The following AZIN1 variants were observed in gnomAD, a reference collection of about 807,000 sequenced individuals.
AZIN1 encodes ornithine decarboxylase antizyme inhibitor.
A neutral mutation model predicts 47.4 loss-of-function variants in AZIN1; 12 were observed. The ratio of observed to expected loss-of-function variants is 0.25; its 90% CI spans 0.16 to 0.41. The LOEUF (loss-of-function observed/expected upper bound fraction) is 0.41, where lower values mean the gene tolerates loss of function less well. AZIN1 is among the 10% of genes least tolerant of loss of function. The pLI is 1.00. For synonymous variants in AZIN1, 155 were observed against 176.3 expected (o/e 0.88, Z 0.96); for missense variants, 410 against 532.4 (o/e 0.77, Z 2.26).
chr8:102,848,914 G>A (rs1471902153), intron 2 of AZIN1, among the ~76,000 whole-genome samples: 1 of 152,144 alleles, frequency 6.6e-6, no homozygotes, highest in Non-Finnish European at 1.5e-5. Context: ...TTAAGACACA[G>A]CATGTTCTAG....
At chr8:102,842,760 G>A (rs1253544292) in intron 3 of AZIN1, among the ~76,000 whole-genome samples, 4 of 151,892 alleles carry the variant, frequency 2.6e-5, no homozygotes, top group Non-Finnish European at 5.9e-5. Flanking sequence ...GCTGGGCATG[G>A]TGGCACAGAC....
chr8:102,828,747 G>T, intron 11 of AZIN1, 69 bp from the exon 12 acceptor site: 2 of 946,928 alleles, frequency 2.1e-6, no homozygotes, highest in Non-Finnish European at 1.6e-6. Flanking sequence ...ATAACAAATG[G>T]ATAATAAAAC....
intron 2 of AZIN1, among the ~76,000 whole-genome samples, chr8:102,847,368 A>T (rs910414520): frequency 1.9e-4 from 24 of 128,944 alleles, no homozygotes; most frequent in African/African-American, 3.9e-4. Context: ...AAAAAAAAAA[A>T]ACAATAAAGC....
At chr8:102,832,318 CAA>C (rs961987808) in intron 9 of AZIN1, among the ~76,000 whole-genome samples, 32 of 140,740 alleles carry the variant, frequency 2.3e-4, no homozygotes, top group African/African-American at 7.6e-4. Flanking sequence ...AGTCCACAGC[CAA>C]AAAAAAAAGT....
At chr8:102,834,160 C>G in intron 8 of AZIN1, 29 bp downstream of exon 8, 1 of 1,576,670 alleles carries the variant, frequency 6.3e-7, no homozygotes, top group East Asian at 2.2e-5. Flanking sequence ...AGCAATTATT[C>G]TGTTAATGTC....
chr8:102,828,573 T>G lies in AZIN1; in HGVS notation c.1341A>C (p.Glu447Asp). Residue 447 changes from glutamate to aspartate, a missense_variant, in exon 12 of 12, where the codon GAA becomes GAC. Physicochemically the swap from Glu to Asp is conservative, Grantham distance 45. This residue lies in a region of AZIN1 where 168 missense variants were observed against 198.3 expected (regional missense o/e 0.85). Coordinates refer to ENST00000337198, the MANE Select transcript of AZIN1 (RefSeq NM_148174.4). Reference sequence around the variant, plus strand: ...AAGAAGCGTTAATGCCTGTTTAAGCTTCAGCGGAAAAGCTGTCTTCTTGGC... The same window carrying G: ...AAGAAGCGTTAATGCCTGTTTAAGCGTCAGCGGAAAAGCTGTCTTCTTGGC... The part of the protein sequence containing the change: ...QLSQEDSFSA[E>D]A The G allele has an allele frequency of 6.2e-7, 1 of 1,605,086 alleles. No individual in the cohort carries two copies. The highest frequency in any genetic ancestry group is 8.5e-7 in the Non-Finnish European group (1 of 1,173,074).
Position 102,829,467 on chromosome 8 carries a change from G to A in AZIN1, c.1040C>T (p.Pro347Leu). 1 of 1,609,536 alleles carries A rather than the reference G, an allele frequency of 6.2e-7. No homozygotes were observed. Among genetic ancestry groups the A allele is most frequent in the Non-Finnish European group, 8.5e-7 (1 of 1,178,774 alleles). ...EVHKKYKEDE[P>L]LFTSSLWGPS... ...ACCCCAAAGGCTGCTTGTAAACAGA[G>A]GCTCATCTTCCTTGTATTTCTGTAG... The change falls in exon 11 of 12, where the codon CCT becomes CTT. Residue 347 changes from proline to leucine, a missense_variant. Physicochemically the swap from Pro to Leu is moderately conservative, Grantham distance 98 (BLOSUM62 -3). Around this residue, in one of 3 missense-constraint regions of AZIN1, gnomAD observed 168 missense variants for 198.3 expected, o/e 0.85. Transcript: ENST00000337198.
intron 2 of AZIN1, among the ~76,000 whole-genome samples, chr8:102,852,580 A>G (rs1424122399): frequency 1.3e-5 from 2 of 152,154 alleles, no homozygotes; most frequent in East Asian, 3.8e-4. Context: ...CAAAAAAATA[A>G]TAGTAAAAAA....
chr8:102,831,306 A>C (rs1811442499), intron 9 of AZIN1, among the ~76,000 whole-genome samples: 2 of 152,138 alleles, frequency 1.3e-5, no homozygotes, highest in African/African-American at 4.8e-5. Flanking sequence ...CAACTAATAT[A>C]AACAATAATG....
intron 2 of AZIN1, among the ~76,000 whole-genome samples, chr8:102,845,762 T>C (rs1812530163): frequency 6.6e-6 from 1 of 152,036 alleles, no homozygotes; most frequent in Admixed American, 6.6e-5. Context: ...TTACTATTAA[T>C]AAATGAAAAA....
chr8:102,860,648 A>C (rs1813587204), intron 1 of AZIN1, among the ~76,000 whole-genome samples: 1 of 152,196 alleles, frequency 6.6e-6, no homozygotes, highest in African/African-American at 2.4e-5. Context: ...CAGCCTTCCG[A>C]AGTGCTGGGA....
rs1586165043 is a variant in AZIN1 at position 102,836,612 on chromosome 8, C to G, written c.450-222G>C. 5 of 515,112 alleles carry G rather than the reference C, an allele frequency of 9.7e-6. 1 individual carries two copies. The Admixed American group carries it at 1.8e-4, about 19-fold the overall frequency. The allele number at this position is 515,112 out of a possible 1,614,324, so 31.9% of individuals were successfully genotyped here. ...TACAAGGATGGGATTTTGGAAAATG[C>G]AGCAAGTTAAGACTCTGTTGTAGCA... On this transcript the variant is annotated intron_variant, in intron 5 of 11. Transcript: ENST00000337198.
At chr8:102,831,782 T>C (rs1811480598) in intron 9 of AZIN1, among the ~76,000 whole-genome samples, 1 of 151,744 alleles carries the variant, frequency 6.6e-6, no homozygotes, top group Admixed American at 6.6e-5. Flanking sequence ...CGAAACCCTC[T>C]ACAAAATAAA....
At chr8:102,846,114 G>A (rs59761337) in intron 2 of AZIN1, among the ~76,000 whole-genome samples, 13,090 of 152,154 alleles carry the variant, frequency 0.086, 1,500 homozygotes, top group African/African-American at 0.25. Context: ...GATTATAAAC[G>A]ACAACACACA....
rs768731284 is a variant in AZIN1, at chr8:102,834,207, A to G, written c.723T>C (p.Thr241=). ...AGTTTACCTCTTCCAATTGAAATTCAGTTCCCGTGAATCCTCCACCAATGT... is the reference window on the plus strand; with the variant it reads ...AGTTTACCTCTTCCAATTGAAATTCGGTTCCCGTGAATCCTCCACCAATGT... ...MLDIGGGFTG[T]EFQLEEVNHV... is the part of the protein sequence containing the mutation. The change falls in exon 8 of 12, where the codon ACT becomes ACC. Residue 241 remains threonine (T), a synonymous_variant. Transcript: ENST00000337198. The G allele has an allele frequency of 1.9e-6, 3 of 1,612,786 alleles. No homozygotes were observed. In the Admixed American group the frequency reaches 5.0e-5, roughly 27 times the overall value.
chr8:102,845,368 T>C (rs1018359620), intron 2 of AZIN1, among the ~76,000 whole-genome samples: 1 of 152,232 alleles, frequency 6.6e-6, no homozygotes, highest in Non-Finnish European at 1.5e-5. Context: ...TCAGTTCAAC[T>C]CATCAGATCT....
intron 9 of AZIN1, among the ~76,000 whole-genome samples, chr8:102,831,454 G>A (rs1227269952): frequency 6.7e-6 from 1 of 149,326 alleles, no homozygotes; most frequent in African/African-American, 2.5e-5. Flanking sequence ...TTAAACAAGT[G>A]CTCAAAACTA....
At chr8:102,851,292 A>G (rs368224848) in intron 2 of AZIN1, among the ~76,000 whole-genome samples, 57 of 152,320 alleles carry the variant, frequency 3.7e-4, no homozygotes, top group African/African-American at 1.3e-3. Flanking sequence ...GAGACACACT[A>G]TTTTGGTTAC....
chr8:102,828,773 C>G (rs1811250931), intron 11 of AZIN1, 95 bp from the exon 12 acceptor site: 4 of 731,732 alleles, frequency 5.5e-6, no homozygotes, highest in Non-Finnish European at 8.9e-6. Flanking sequence ...TATAACTAGT[C>G]TTCCAAAAAC....
Sources: allele counts gnomAD v4.1 joint callset (sites outside exome capture counted in the v4.1 genomes callset), GRCh38; gene constraint gnomAD v4.1.1; regional missense constraint gnomAD v4.1.1; transcripts MANE v1.5; gene names NCBI Gene and HGNC (gene_info 2026-07-23, HGNC 2026-07-21).